SLC35F5: variants seen among roughly 807,000 people sequenced by gnomAD.
The protein encoded by SLC35F5 is solute carrier family 35 member F5.
A neutral mutation model predicts 68.6 loss-of-function variants in SLC35F5; 54 were observed. That is an observed-to-expected ratio of 0.79 (90% confidence interval 0.63 to 0.99). The LOEUF (loss-of-function observed/expected upper bound fraction) is 0.99, where lower values mean the gene tolerates loss of function less well. Among genes scored for constraint, SLC35F5 ranks in the 50% least tolerant of loss-of-function variants. The pLI, the probability that SLC35F5 is intolerant of heterozygous loss-of-function variation, is 0.00. For synonymous variants in SLC35F5, 211 were observed against 205.2 expected (o/e 1.03, Z -0.24); for missense variants, 567 against 626.9 (o/e 0.90, Z 1.02).
intron 7 of SLC35F5, chr2:113,741,945 G>A (rs557839544): frequency 6.6e-6 from 1 of 152,028 alleles, no homozygotes; most frequent in South Asian, 2.1e-4. Context: ...CATTGTTTAG[G>A]GGTTTAAGAT....
At position 113,714,361 on chromosome 2, in the gene SLC35F5, T is replaced by C. The variant is rs1687101358; in HGVS notation, c.*857A>G. ...CATCTACAATACACAAATAGACGTA[T>C]AAACATTGTATTTTAATAATACTCT... On this transcript the variant is annotated 3_prime_UTR_variant, in exon 16 of 16. Transcript: ENST00000245680. 6.6e-6 allele frequency: 1 copy of C among 152,142 alleles called. No individual in the cohort carries two copies. The highest frequency in any genetic ancestry group is 2.4e-5 in the African/African-American group (1 of 41,456). 9.4% of individuals were successfully genotyped at this position (152,142 alleles called of 1,614,324 possible).
chr2:113,737,310 T>G (rs1043878555), intron 7 of SLC35F5, among the ~76,000 whole-genome samples: 2 of 152,222 alleles, frequency 1.3e-5, no homozygotes, highest in Non-Finnish European at 2.9e-5. Context: ...CAGTCCATAC[T>G]GTACTCAAGG....
chr2:113,751,432 A>G (rs1220998215), intron 3 of SLC35F5, among the ~76,000 whole-genome samples: 1 of 152,256 alleles, frequency 6.6e-6, no homozygotes, highest in Non-Finnish European at 1.5e-5. Flanking sequence ...ATCCACTAAA[A>G]AGGCATAGAA....
intron 12 of SLC35F5, 107 bp downstream of exon 12, chr2:113,725,271 C>A: frequency 2.0e-6 from 2 of 980,258 alleles, no homozygotes; most frequent in Non-Finnish European, 3.1e-6. Flanking sequence ...ATGTGTGTTG[C>A]AGAATGGGGT....
intron 11 of SLC35F5, among the ~76,000 whole-genome samples, chr2:113,728,924 G>C (rs547646941): frequency 1.6e-4 from 25 of 152,300 alleles, no homozygotes; most frequent in South Asian, 8.3e-4. Flanking sequence ...GTGTCTTAAA[G>C]ATAAAATGCA....
At chr2:113,742,917 T>C in intron 6 of SLC35F5, 38 bp from the exon 7 acceptor site, 1 of 1,565,066 alleles carries the variant, frequency 6.4e-7, no homozygotes, top group Non-Finnish European at 8.7e-7. Context: ...AATTAAATAA[T>C]TCCTCTCCAA....
intron 13 of SLC35F5, among the ~76,000 whole-genome samples, chr2:113,720,754 GAATT>G (rs1436696164): frequency 2.6e-5 from 4 of 152,220 alleles, no homozygotes; most frequent in Admixed American, 6.5e-5. Flanking sequence ...ATAGTTGATA[GAATT>G]ATTTCATGAA....
chr2:113,746,100 G>A (rs1269685929), intron 5 of SLC35F5, among the ~76,000 whole-genome samples, 177 bp downstream of exon 5: 1 of 152,102 alleles, frequency 6.6e-6, no homozygotes, highest in African/African-American at 2.4e-5. Context: ...CTTACCTCTA[G>A]GCCCCAGGTA....
intron 14 of SLC35F5, 90 bp from the exon 15 acceptor site, chr2:113,717,940 G>T: frequency 4.6e-6 from 4 of 863,140 alleles, no homozygotes; most frequent in Non-Finnish European, 5.4e-6. Context: ...GAAGCTATGT[G>T]GACAGGATGC....
chr2:113,755,688 T>C, intron 1 of SLC35F5, 144 bp from the exon 2 acceptor site: 1 of 1,048,290 alleles, frequency 9.5e-7, no homozygotes, highest in Non-Finnish European at 1.4e-6. Flanking sequence ...GCCACCTTTC[T>C]CAGTACTTTC....
At position 113,727,090 on chromosome 2, in the gene SLC35F5, C is replaced by T. The variant is rs150875893; in HGVS notation, c.1091-1553G>A. 9.9e-3 allele frequency among the ~76,000 whole-genome samples: 1,503 copies of T among 152,240 alleles called. 30 individuals carry two copies. The highest frequency in any genetic ancestry group is 0.034 in the African/African-American group (1,420 of 41,532). On this transcript the variant is annotated intron_variant, in intron 11 of 15. Coordinates refer to ENST00000245680, the MANE Select transcript of SLC35F5 (RefSeq NM_025181.5). ...GTGGGTGGTTTCCCCCATGCTGTTC[C>T]CATCATAGTGAGTTCTTACAAGATT...
Position 113,709,068 on chromosome 2 carries a change from C to T in SLC35F5, c.*6150G>A, listed in dbSNP as rs1478522534. On this transcript the variant is annotated 3_prime_UTR_variant, in exon 16 of 16. Transcript: ENST00000245680. ...GGAGTCAAGATGCTGAACACCCTAA[C>T]AAAAGCAAAAACAAAATTACGGCCT... 6.6e-6 allele frequency among the ~76,000 whole-genome samples: 1 copy of T among 152,228 alleles called. No individual in the cohort carries two copies. The highest frequency in any genetic ancestry group is 1.5e-5 in the Non-Finnish European group (1 of 68,040).
chr2:113,719,398 T>C (rs1200015111), intron 13 of SLC35F5, 90 bp from the exon 14 acceptor site: 5 of 1,170,432 alleles, frequency 4.3e-6, no homozygotes, highest in East Asian at 2.5e-5. Flanking sequence ...TTGTGAAAAC[T>C]AGCAGGAATA....
At chr2:113,737,279 G>A (rs754116603) in intron 7 of SLC35F5, among the ~76,000 whole-genome samples, 1 of 152,218 alleles carries the variant, frequency 6.6e-6, no homozygotes, top group African/African-American at 2.4e-5. Context: ...GCAGATGGCT[G>A]AGAGCCTAGT....
In SLC35F5 at chr2:113,729,754, T is replaced by C. The variant is rs113916770; in HGVS notation, c.986-249A>G. Among the ~76,000 whole-genome samples the C allele has an allele frequency of 2.4e-4, 37 of 152,068 alleles. 1 individual carries two copies. Among genetic ancestry groups the C allele is most frequent in the African/African-American group, 8.4e-4 (35 of 41,536 alleles). ...ATAAATGCAAAAGCATTCACCTCAA[T>C]GATTCGACCAAAACCTATACATATT... On this transcript the variant is annotated intron_variant, in intron 10 of 15. Coordinates refer to ENST00000245680, the MANE Select transcript of SLC35F5 (RefSeq NM_025181.5).
chr2:113,734,796 C>A (rs900757114), intron 8 of SLC35F5, 123 bp from the exon 9 acceptor site: 42 of 617,472 alleles, frequency 6.8e-5, no homozygotes, highest in Middle Eastern at 4.4e-4. Context: ...TTTTGTCACT[C>A]TTAACTAAGA....
intron 3 of SLC35F5, among the ~76,000 whole-genome samples, chr2:113,753,237 G>T: frequency 8.7e-6 from 1 of 115,158 alleles, no homozygotes; most frequent in Non-Finnish European, 1.6e-5. Context: ...GGAGTGCAAT[G>T]GCATGATCTC....
intron 11 of SLC35F5, among the ~76,000 whole-genome samples, chr2:113,728,035 A>C (rs538333589): frequency 9.5e-4 from 145 of 152,164 alleles, no homozygotes; most frequent in Non-Finnish European, 1.8e-3. Flanking sequence ...TCTGTTACCC[A>C]GGCTAGAGTG....
chr2:113,751,264 C>T (rs549990262), intron 3 of SLC35F5, among the ~76,000 whole-genome samples: 1 of 152,266 alleles, frequency 6.6e-6, no homozygotes, highest in Admixed American at 6.5e-5. Context: ...TAACAAGAGA[C>T]GGGTTCAGGA....
Sources: allele counts gnomAD v4.1 joint callset (sites outside exome capture counted in the v4.1 genomes callset), GRCh38; gene constraint gnomAD v4.1.1; transcripts MANE v1.5; gene names NCBI Gene and HGNC (gene_info 2026-07-23, HGNC 2026-07-21).